The following NEO1 variants were observed in gnomAD, a reference collection of about 807,000 sequenced individuals.
NEO1 encodes neogenin 1, also known as neogenin.
In NEO1, 63 loss-of-function variants were observed where a neutral mutation model predicts 159.7. The observed-to-expected ratio is 0.39, with a 90% CI of 0.32 to 0.49. The LOEUF (loss-of-function observed/expected upper bound fraction) is 0.49. Among genes scored for constraint, NEO1 ranks in the 20% least tolerant of loss-of-function variants. The pLI is 0.85. For missense variants in NEO1, 1,615 were observed against 1,831.0 expected (o/e 0.88, Z 2.15); for synonymous variants, 633 against 662.0 (o/e 0.96, Z 0.67).
intron 1 of NEO1, among the ~76,000 whole-genome samples, chr15:73,057,746 T>C (rs1424859339): frequency 6.6e-6 from 1 of 152,222 alleles, no homozygotes; most frequent in Non-Finnish European, 1.5e-5. Flanking sequence ...TTACTGCCTA[T>C]ATGGCACATT....
At chr15:73,170,633 T>A (rs1464602304) in intron 5 of NEO1, among the ~76,000 whole-genome samples, 1 of 152,154 alleles carries the variant, frequency 6.6e-6, no homozygotes, top group Non-Finnish European at 1.5e-5. Context: ...AACTAAAGGC[T>A]CTTAATACTT....
At chr15:73,126,680 A>T (rs1297279029) in intron 4 of NEO1, 110 bp downstream of exon 4, 26 of 937,602 alleles carry the variant, frequency 2.8e-5, no homozygotes, top group Non-Finnish European at 4.1e-5. Flanking sequence ...ATTTAAACAC[A>T]TCATAATGCT....
At chr15:73,281,201 C>CA (rs35808353) in intron 22 of NEO1, among the ~76,000 whole-genome samples, 37,440 of 118,450 alleles carry the variant, frequency 0.32, 6,707 homozygotes, top group Non-Finnish European at 0.42. Flanking sequence ...GAGCGAGACT[C>CA]AAAAAAAAAA....
At chr15:73,226,534 C>T (rs1475877519) in intron 7 of NEO1, among the ~76,000 whole-genome samples, 1 of 152,192 alleles carries the variant, frequency 6.6e-6, no homozygotes, top group Non-Finnish European at 1.5e-5. Context: ...TACTAATATG[C>T]ATGGCAAATC....
At chr15:73,125,854 A>G (rs945248464) in intron 3 of NEO1, among the ~76,000 whole-genome samples, 5 of 148,820 alleles carry the variant, frequency 3.4e-5, no homozygotes, top group African/African-American at 9.7e-5. Context: ...CTTTTCAGAA[A>G]TAACACACAG....
At position 73,122,437 on chromosome 15, in the gene NEO1, T is replaced by C. The variant is rs917828704; in HGVS notation, c.449-88T>C. On this transcript the variant is annotated intron_variant, in intron 2 of 28. Coordinates refer to ENST00000261908, the MANE Select transcript of NEO1 (RefSeq NM_002499.4). ...CTGGTTCTGCCATATGTTGTAGCCA[T>C]GTGAGCTGACTTGCTCCTGGCTCCC... 1.8e-5 allele frequency: 23 copies of C among 1,258,052 alleles called. No individual in the cohort carries two copies. In the Admixed American group the frequency reaches 3.8e-4, roughly 21 times the overall value. 77.9% of individuals were successfully genotyped at this position (1,258,052 alleles called of 1,614,324 possible). A position where few individuals can be genotyped will look rare whatever the true frequency, so the allele number is the denominator to read the frequency against.
chr15:73,074,712 T>C (rs1387302222), intron 1 of NEO1, among the ~76,000 whole-genome samples: 2 of 152,172 alleles, frequency 1.3e-5, no homozygotes, highest in Admixed American at 6.5e-5. Flanking sequence ...GTGCCCACTT[T>C]TCACATCCCT....
At chr15:73,249,260 A>G in intron 10 of NEO1, 52 bp downstream of exon 10, 1 of 1,579,292 alleles carries the variant, frequency 6.3e-7, no homozygotes, top group Non-Finnish European at 8.7e-7. Flanking sequence ...TAGAGTTGAA[A>G]TATATTTCCA....
intron 7 of NEO1, among the ~76,000 whole-genome samples, chr15:73,185,065 C>T (rs773824063): frequency 3.3e-5 from 5 of 152,174 alleles, no homozygotes; most frequent in Non-Finnish European, 7.3e-5. Flanking sequence ...ATTCCAACTA[C>T]ATGACATTCT....
At chr15:73,070,070 G>C (rs1483878427) in intron 1 of NEO1, among the ~76,000 whole-genome samples, 1 of 152,100 alleles carries the variant, frequency 6.6e-6, no homozygotes, top group African/African-American at 2.4e-5. Context: ...TCTGTTAGAG[G>C]CATAAAATAC....
chr15:73,166,613 G>A (rs1422557885), intron 5 of NEO1, among the ~76,000 whole-genome samples: 4 of 152,154 alleles, frequency 2.6e-5, no homozygotes, highest in Non-Finnish European at 5.9e-5. Flanking sequence ...GGCCTAAAAG[G>A]GCGGGAGATC....
chr15:73,285,060 AT>A (rs1457354804), intron 23 of NEO1, among the ~76,000 whole-genome samples: 2 of 151,926 alleles, frequency 1.3e-5, no homozygotes, highest in African/African-American at 4.8e-5. Flanking sequence ...TTTTTCTGTT[AT>A]TGAAATAATT....
At chr15:73,258,622 C>T in intron 13 of NEO1, 144 bp from the exon 14 acceptor site, 1 of 611,848 alleles carries the variant, frequency 1.6e-6, no homozygotes, top group South Asian at 2.0e-5. Flanking sequence ...TTGCATTTTG[C>T]CTACACTGTA....
At chr15:73,106,508 A>T (rs564786755) in intron 1 of NEO1, among the ~76,000 whole-genome samples, 1 of 152,200 alleles carries the variant, frequency 6.6e-6, no homozygotes, top group African/African-American at 2.4e-5. Context: ...AGTCTTCTAA[A>T]TCTGGTGTGT....
At chr15:73,246,623 A>G (rs769842162) in intron 9 of NEO1, among the ~76,000 whole-genome samples, 37 of 152,360 alleles carry the variant, frequency 2.4e-4, no homozygotes, top group Non-Finnish European at 5.1e-4. Flanking sequence ...AGGAATTTGC[A>G]TGACCCAAAT....
intron 7 of NEO1, among the ~76,000 whole-genome samples, chr15:73,183,848 G>A (rs1203829122): frequency 6.6e-6 from 1 of 152,094 alleles, no homozygotes; most frequent in Non-Finnish European, 1.5e-5. Context: ...TATACTTAAG[G>A]TAACTATAAC....
chr15:73,256,372 C>T (rs1033143904), intron 13 of NEO1, among the ~76,000 whole-genome samples: 22 of 152,114 alleles, frequency 1.4e-4, no homozygotes, highest in African/African-American at 5.3e-4. Flanking sequence ...TGGTGGCACC[C>T]ACCTATGATC....
chr15:73,083,885 C>T (rs1001372110), intron 1 of NEO1, among the ~76,000 whole-genome samples: 1 of 152,086 alleles, frequency 6.6e-6, no homozygotes, highest in East Asian at 1.9e-4. Flanking sequence ...CAGGTGTCTG[C>T]CTCAAGGGAT....
chr15:73,166,847 T>G (rs1285032305), intron 5 of NEO1, among the ~76,000 whole-genome samples: 1 of 151,970 alleles, frequency 6.6e-6, no homozygotes, highest in African/African-American at 2.4e-5. Context: ...TTTGGTGGGG[T>G]CCAGGTTTCT....
Sources: allele counts gnomAD v4.1 joint callset (sites outside exome capture counted in the v4.1 genomes callset), GRCh38; gene constraint gnomAD v4.1.1; transcripts MANE v1.5; gene names NCBI Gene and HGNC (gene_info 2026-07-23, HGNC 2026-07-21).